The following OGDH variants were observed in gnomAD, a reference collection of about 807,000 sequenced individuals.
OGDH encodes the protein 2-oxoglutarate dehydrogenase complex component E1.
Under a neutral mutation model 116.6 loss-of-function variants are expected in OGDH, and 38 were observed. The observed-to-expected ratio is 0.33, with a 90% CI of 0.25 to 0.43. OGDH has a LOEUF of 0.43. Among genes scored for constraint, OGDH ranks in the 20% least tolerant of loss-of-function variants. The pLI, the probability that OGDH is intolerant of heterozygous loss-of-function variation, is 1.00. For synonymous variants in OGDH, 488 were observed against 533.3 expected (o/e 0.92, Z 1.17); for missense variants, 825 against 1,357.2 (o/e 0.61, Z 6.16).
At chr7:44,635,559 C>G (rs1785629681) in intron 2 of OGDH, among the ~76,000 whole-genome samples, 1 of 152,078 alleles carries the variant, frequency 6.6e-6, no homozygotes. Flanking sequence ...GGAGTGGCGT[C>G]TGTAGGGGCT....
At chr7:44,641,229 T>C (rs945053948) in intron 2 of OGDH, among the ~76,000 whole-genome samples, 11 of 138,734 alleles carry the variant, frequency 7.9e-5, no homozygotes, top group African/African-American at 2.7e-4. Flanking sequence ...TTTTTTCTTT[T>C]TTTTTTTTTT....
intron 1 of OGDH, among the ~76,000 whole-genome samples, chr7:44,616,847 G>GTATATA (rs1196980476): frequency 8.2e-6 from 1 of 122,170 alleles, no homozygotes; most frequent in African/African-American, 3.2e-5. Context: ...ACATATACGT[G>GTATATA]TATATATATA....
At chr7:44,692,177 A>C (rs1788392738) in intron 10 of OGDH, among the ~76,000 whole-genome samples, 1 of 152,066 alleles carries the variant, frequency 6.6e-6, no homozygotes, top group African/African-American at 2.4e-5. Flanking sequence ...TTGCAAAAAA[A>C]CTCAGCGTTT....
At chr7:44,614,137 A>G (rs1784676111) in intron 1 of OGDH, among the ~76,000 whole-genome samples, 2 of 151,346 alleles carry the variant, frequency 1.3e-5, no homozygotes, top group South Asian at 4.2e-4. Context: ...TATTTTTTGT[A>G]GATATAGGGT....
Position 44,624,521 on chromosome 7 carries a change from G to A in OGDH, c.178G>A (p.Glu60Lys). Residue 60 changes from glutamate to lysine, a missense_variant, in exon 2 of 23, where the codon GAG (glutamate) becomes AAG (lysine). This residue lies in a region of OGDH where 126 missense variants were observed against 130.4 expected (regional missense o/e 0.97). Transcript: ENST00000222673. Reference protein sequence around the residue: ...LSGTSSNYVEEMYCAWLENPK... With the variant: ...LSGTSSNYVEKMYCAWLENPK... ...TGGGACTAGTTCGAACTATGTGGAG[G>A]AGATGTACTGTGCTTGGCTGGAAAA... The A allele has an allele frequency of 6.2e-7, 1 of 1,613,946 alleles. No individual in the cohort carries two copies. Among genetic ancestry groups the A allele is most frequent in the Non-Finnish European group, 8.5e-7 (1 of 1,180,004 alleles).
chr7:44,650,755 A>G (rs1035846757), intron 4 of OGDH, among the ~76,000 whole-genome samples: 2 of 152,088 alleles, frequency 1.3e-5, no homozygotes, highest in African/African-American at 4.8e-5. Context: ...GGCCCAGGAG[A>G]ACTGTTTGCC....
chr7:44,673,944 A>ATG lies in OGDH; in HGVS notation c.788+4_788+5dup. 6.2e-7 allele frequency: 1 copy of ATG among 1,614,152 alleles called. No individual in the cohort carries two copies. Among genetic ancestry groups the ATG allele is most frequent in the Non-Finnish European group, 8.5e-7 (1 of 1,180,014 alleles). ...GCCAGGCTTGTGCGGTCCACCAGGT[A>ATG]TGGGTCTGGCCCTGGGCCATGGGGC... On this transcript the variant is annotated splice_donor_region_variant and intron_variant, in intron 6 of 22. Transcript: ENST00000222673.
At chr7:44,623,714 C>T (rs1308728695) in intron 1 of OGDH, among the ~76,000 whole-genome samples, 1 of 152,254 alleles carries the variant, frequency 6.6e-6, no homozygotes, top group Middle Eastern at 3.4e-3. Context: ...GGTGCAATCT[C>T]GGCTCACTGC....
chr7:44,687,368 G>T (rs1788178004), intron 10 of OGDH, among the ~76,000 whole-genome samples: 1 of 151,474 alleles, frequency 6.6e-6, no homozygotes, highest in Non-Finnish European at 1.5e-5. Context: ...AAAGTGCTGG[G>T]ATTACAGGCA....
rs1345473264 is a variant in OGDH at position 44,696,153 on chromosome 7, TAAGCTCCTTTGAGGATCTGATGTAACG to T, written c.1771+28_1771+54del. On this transcript the variant is annotated intron_variant, in intron 13 of 22. Coordinates refer to ENST00000222673, the MANE Select transcript of OGDH (RefSeq NM_002541.4). ...GTGAGTGAAGAAACAGTGCCACAAA[TAAGCTCCTTTGAGGATCTGATGTAACG>T]AGGCATCCTCTTCCCAGAAAAAATT... 4 of 1,467,144 alleles carry T rather than the reference TAAGCTCCTTTGAGGATCTGATGTAACG, an allele frequency of 2.7e-6. No individual in the cohort carries two copies. The South Asian group carries it at 4.5e-5, about 17-fold the overall frequency. 90.9% of individuals were successfully genotyped at this position (1,467,144 alleles called of 1,614,324 possible). A position where few individuals can be genotyped will look rare whatever the true frequency, so the allele number is the denominator to read the frequency against.
At chr7:44,649,390 C>T (rs1445842446) in intron 4 of OGDH, among the ~76,000 whole-genome samples, 2 of 151,570 alleles carry the variant, frequency 1.3e-5, no homozygotes, top group African/African-American at 4.9e-5. Flanking sequence ...GCTGGGACTA[C>T]AGGAGCGCAC....
At chr7:44,626,974 A>G (rs1785232050) in intron 2 of OGDH, among the ~76,000 whole-genome samples, 1 of 151,946 alleles carries the variant, frequency 6.6e-6, no homozygotes, top group Non-Finnish European at 1.5e-5. Context: ...TGGTGTGTGC[A>G]TGTTTTTTGT....
chr7:44,629,604 G>A (rs1456042909), intron 2 of OGDH, among the ~76,000 whole-genome samples: 3 of 129,802 alleles, frequency 2.3e-5, no homozygotes, highest in Non-Finnish European at 3.1e-5. Context: ...TTTTTGAGAC[G>A]AGTCTCGCTC....
At chr7:44,626,160 A>C (rs1414591769) in intron 2 of OGDH, among the ~76,000 whole-genome samples, 1 of 152,142 alleles carries the variant, frequency 6.6e-6, no homozygotes, top group Non-Finnish European at 1.5e-5. Context: ...TTTCTGTAAG[A>C]AATCTGTAGT....
intron 2 of OGDH, among the ~76,000 whole-genome samples, chr7:44,629,556 T>C (rs996965073): frequency 3.3e-5 from 5 of 151,318 alleles, no homozygotes; most frequent in Middle Eastern, 3.4e-3. Flanking sequence ...CCCATTTCTT[T>C]TCTTTCCTTT....
At chr7:44,687,730 C>T (rs1788194566) in intron 10 of OGDH, among the ~76,000 whole-genome samples, 1 of 152,056 alleles carries the variant, frequency 6.6e-6, no homozygotes, top group Non-Finnish European at 1.5e-5. Flanking sequence ...GCCTGCTCAA[C>T]TTTTTTAAAT....
At position 44,696,508 on chromosome 7, in the gene OGDH, C is replaced by G. The variant is rs61756581; in HGVS notation, c.1851C>G (p.Ile617Met). 6.2e-7 allele frequency: 1 copy of G among 1,614,178 alleles called. No individual in the cohort carries two copies. The change falls in exon 14 of 23, where the codon ATC (isoleucine) becomes ATG (methionine). Residue 617 changes from isoleucine (I) to methionine (M), a missense_variant. Physicochemically the swap from Ile to Met is conservative, Grantham distance 10. Around this residue, in one of 7 missense-constraint regions of OGDH, gnomAD observed 92 missense variants for 129.7 expected, o/e 0.71. Coordinates refer to ENST00000222673, the MANE Select transcript of OGDH (RefSeq NM_002541.4). ...TGACGGAGGATATTCTGACACACAT[C>G]GGGAATGTGGCTAGTTCTGTGCCTG... is the stretch of plus-strand genomic sequence containing the variant. The part of the protein sequence containing the change: ...TGLTEDILTH[I>M]GNVASSVPVE...
At chr7:44,649,876 A>G (rs542600970) in intron 4 of OGDH, among the ~76,000 whole-genome samples, 306 of 152,344 alleles carry the variant, frequency 2.0e-3, no homozygotes, top group African/African-American at 7.1e-3. Flanking sequence ...TAGTGTCCTC[A>G]GTATTTCTGT....
At chr7:44,698,372 C>T (rs1178130073) in intron 18 of OGDH, 109 bp downstream of exon 18, 34 of 1,147,672 alleles carry the variant, frequency 3.0e-5, no homozygotes, top group Non-Finnish European at 4.0e-5. Flanking sequence ...GTGCCTCTGT[C>T]CCTTTCTCCA....
Sources: allele counts gnomAD v4.1 joint callset (sites outside exome capture counted in the v4.1 genomes callset), GRCh38; gene constraint gnomAD v4.1.1; regional missense constraint gnomAD v4.1.1; transcripts MANE v1.5; gene names NCBI Gene and HGNC (gene_info 2026-07-23, HGNC 2026-07-21).